Variants in RSF1 observed in about 807,000 individuals in gnomAD.
RSF1 encodes the protein remodeling and spacing factor 1, also known as HBV pX-associated protein 8.
In RSF1, 13 loss-of-function variants were observed where a neutral mutation model predicts 145.2. The ratio of observed to expected loss-of-function variants is 0.09; its 90% CI spans 0.06 to 0.14. The LOEUF (loss-of-function observed/expected upper bound fraction) is 0.14. Among genes scored for constraint, RSF1 ranks in the 10% least tolerant of loss-of-function variants. The pLI, the probability that RSF1 is intolerant of heterozygous loss-of-function variation, is 1.00. For missense variants in RSF1, 1,517 were observed against 1,718.2 expected (o/e 0.88, Z 2.07); for synonymous variants, 577 against 592.6 (o/e 0.97, Z 0.38).
intron 4 of RSF1, chr11:77,739,488 G>A (rs1961454417): frequency 6.6e-6 from 1 of 152,128 alleles, no homozygotes; most frequent in South Asian, 2.1e-4. Context: ...TAATTACAAG[G>A]AAAATAATGT....
chr11:77,825,213 A>C (rs57385645), upstream of RSF1, among the ~76,000 whole-genome samples: 1,430 of 151,232 alleles, frequency 9.5e-3, 23 homozygotes, highest in African/African-American at 0.031. Flanking sequence ...CGATCTCCTG[A>C]CCTTGTGATC....
intron 9 of RSF1, among the ~76,000 whole-genome samples, chr11:77,689,547 A>G (rs1960095430): frequency 3.3e-5 from 5 of 152,206 alleles, no homozygotes; most frequent in Admixed American, 2.6e-4. Context: ...ATGAGAACTA[A>G]AATGCTCCTC....
intron 1 of RSF1, among the ~76,000 whole-genome samples, chr11:77,782,734 C>T (rs868060718): frequency 7.9e-5 from 12 of 152,084 alleles, no homozygotes; most frequent in African/African-American, 2.4e-4. Context: ...GTGTCTGTAA[C>T]GTTTTATTGG....
chr11:77,842,972 G>C, the RSF1 span, among the ~76,000 whole-genome samples: 1 of 152,262 alleles, frequency 6.6e-6, no homozygotes, highest in Non-Finnish European at 1.5e-5. Context: ...TCTACTTTCT[G>C]TTGTTATAGA....
At chr11:77,697,495 T>A (rs1465248331) in intron 7 of RSF1, among the ~76,000 whole-genome samples, 5 of 120,424 alleles carry the variant, frequency 4.2e-5, no homozygotes, top group Admixed American at 1.9e-4. Context: ...ATAATATATA[T>A]AAATATATTA....
At chr11:77,869,063 C>A in the RSF1 span, 2 of 317,836 alleles carry the variant, frequency 6.3e-6, no homozygotes, top group East Asian at 1.5e-4. Context: ...GTACCCATTC[C>A]CTTGATGTCT....
At chr11:77,711,141 C>CT (rs1960672509) in intron 5 of RSF1, among the ~76,000 whole-genome samples, 2 of 104,746 alleles carry the variant, frequency 1.9e-5, no homozygotes, top group African/African-American at 8.8e-5. Context: ...ACATTTTTAA[C>CT]TTAAAAAAAA....
At chr11:77,789,302 G>A (rs1948492443) in intron 1 of RSF1, among the ~76,000 whole-genome samples, 1 of 152,184 alleles carries the variant, frequency 6.6e-6, no homozygotes, top group South Asian at 2.1e-4. Context: ...CAGCTCCAGG[G>A]AGGGAGCTTG....
chr11:77,703,681 A>C (rs1021005780), intron 5 of RSF1: 7 of 152,218 alleles, frequency 4.6e-5, no homozygotes, highest in Non-Finnish European at 7.3e-5. Flanking sequence ...AGAACCATTC[A>C]GTGTCTGAGA....
At chr11:77,764,807 G>T in intron 1 of RSF1, 118 bp from the exon 2 acceptor site, 1 of 652,010 alleles carries the variant, frequency 1.5e-6, no homozygotes. Flanking sequence ...AGACAGTGTT[G>T]ATACTAGCTA....
chr11:77,753,734 A>T (rs1948087598), intron 2 of RSF1, among the ~76,000 whole-genome samples: 1 of 152,236 alleles, frequency 6.6e-6, no homozygotes, highest in South Asian at 2.1e-4. Context: ...ATTATTCAGA[A>T]GGTAACAAGA....
chr11:77,686,534 C>G (rs1745322849), intron 9 of RSF1, among the ~76,000 whole-genome samples: 1 of 150,588 alleles, frequency 6.6e-6, no homozygotes, highest in Non-Finnish European at 1.5e-5. Flanking sequence ...AGTAATCATT[C>G]TGTCTCTCTC....
Position 77,672,228 on chromosome 11 carries a change from T to C in RSF1, c.3565A>G (p.Ser1189Gly), listed in dbSNP as rs758450088. 2 of 1,582,082 alleles carry C rather than the reference T, an allele frequency of 1.3e-6. No individual in the cohort carries two copies. The highest frequency in any genetic ancestry group is 1.7e-6 in the Non-Finnish European group (2 of 1,169,522). The change falls in exon 15 of 16, where the codon AGT (serine) becomes GGT (glycine). Residue 1189 changes from serine to glycine, a missense_variant and splice_region_variant. Physicochemically the swap from Ser to Gly is moderately conservative, Grantham distance 56. Coordinates refer to ENST00000308488, the MANE Select transcript of RSF1 (RefSeq NM_016578.4). ...ESEENSRDSE[S>G]DFSDDFSDDF... ...TCACTAAAATCATCACTGAAGTCAC[T>C]TTCTATTTTAAAAAAAGGAAGAACA... is the stretch of plus-strand genomic sequence containing the variant.
At chr11:77,696,614 C>T (rs1181825139) in intron 7 of RSF1, among the ~76,000 whole-genome samples, 1 of 152,170 alleles carries the variant, frequency 6.6e-6, no homozygotes, top group South Asian at 2.1e-4. Flanking sequence ...GCCATTGCTG[C>T]CTTAGGTAAA....
intron 1 of RSF1, among the ~76,000 whole-genome samples, chr11:77,768,329 ATTT>A (rs1373193957): frequency 6.6e-6 from 1 of 151,692 alleles, no homozygotes; most frequent in Non-Finnish European, 1.5e-5. Context: ...CGCCTGGCTG[ATTT>A]TTATATTTTT....
At chr11:77,764,393 T>C in intron 2 of RSF1, 1 of 498,128 alleles carries the variant, frequency 2.0e-6, no homozygotes, top group South Asian at 2.8e-5. Context: ...ATATAACACT[T>C]CTGAAATCTA....
chr11:77,820,967 C>T (rs1190024336), upstream of RSF1: 8 of 544,856 alleles, frequency 1.5e-5, no homozygotes, highest in East Asian at 3.2e-5. Context: ...CCCCTTCTCT[C>T]CTCCCCTTCG....
At chr11:77,852,735 T>C in the RSF1 span, among the ~76,000 whole-genome samples, 1 of 152,114 alleles carries the variant, frequency 6.6e-6, no homozygotes, top group African/African-American at 2.4e-5. Flanking sequence ...AATAAGCAAA[T>C]ACAAAAATAC....
Position 77,676,812 on chromosome 11 carries a change from A to G in RSF1, c.3321T>C (p.Asp1107=). ...DSNLDEEESE[D]EFKISDGSQD... Reference sequence around the variant, plus strand: ...CACACCCATCACTGATCTTGAATTCATCCTCGCTCTCTTCTTCATCCAGGT... The same window carrying G: ...CACACCCATCACTGATCTTGAATTCGTCCTCGCTCTCTTCTTCATCCAGGT... Residue 1107 remains aspartate, a synonymous_variant, in exon 13 of 16, where the codon GAT becomes GAC. Coordinates refer to ENST00000308488, the MANE Select transcript of RSF1 (RefSeq NM_016578.4). 1 of 1,613,628 alleles carries G rather than the reference A, an allele frequency of 6.2e-7. No individual in the cohort carries two copies. The highest frequency in any genetic ancestry group is 8.5e-7 in the Non-Finnish European group (1 of 1,179,704).
Sources: allele counts gnomAD v4.1 joint callset (sites outside exome capture counted in the v4.1 genomes callset), GRCh38; gene constraint gnomAD v4.1.1; transcripts MANE v1.5; gene names NCBI Gene and HGNC (gene_info 2026-07-23, HGNC 2026-07-21).